Variants in ASB3 observed in about 807,000 individuals in gnomAD.
ASB3 encodes the protein ankyrin repeat and SOCS box containing 3.
Under a neutral mutation model 54.5 loss-of-function variants are expected in ASB3, and 41 were observed. That is an observed-to-expected ratio of 0.75 (90% CI 0.59 to 0.98). The LOEUF (loss-of-function observed/expected upper bound fraction) is 0.98. ASB3 is among the 50% of genes least tolerant of loss of function. The pLI, the probability that ASB3 is intolerant of heterozygous loss-of-function variation, is 0.00. For missense variants in ASB3, 733 were observed against 620.0 expected, an observed-to-expected ratio of 1.18 and a Z score of -1.94; for synonymous variants, 266 against 221.2, an observed-to-expected ratio of 1.20 and a Z score of -1.80.
At chr2:53,752,555 T>TC (rs1319203559) in intron 2 of ASB3, among the ~76,000 whole-genome samples, 1 of 152,244 alleles carries the variant, frequency 6.6e-6, no homozygotes, top group Admixed American at 6.5e-5. Context: ...TTGATTTATT[T>TC]CCCTTTCTGT....
chr2:53,724,119 A>C (rs1011477024), intron 5 of ASB3, among the ~76,000 whole-genome samples: 3 of 152,222 alleles, frequency 2.0e-5, no homozygotes, highest in African/African-American at 7.2e-5. Flanking sequence ...AGATTAATTA[A>C]GCTCTTTAGC....
intron 7 of ASB3, 133 bp from the exon 8 acceptor site, chr2:53,700,661 T>C: frequency 7.8e-7 from 1 of 1,275,768 alleles, no homozygotes; most frequent in East Asian, 2.6e-5. Flanking sequence ...TTTCTACACA[T>C]CTAGTGGATT....
intron 3 of ASB3, among the ~76,000 whole-genome samples, chr2:53,738,621 C>T (rs1671770788): frequency 6.6e-6 from 1 of 152,056 alleles, no homozygotes; most frequent in Non-Finnish European, 1.5e-5. Flanking sequence ...GAAATTTAAC[C>T]TAGAATACTA....
intron 7 of ASB3, among the ~76,000 whole-genome samples, chr2:53,714,004 T>C (rs1670251164): frequency 6.6e-6 from 1 of 152,304 alleles, no homozygotes; most frequent in Non-Finnish European, 1.5e-5. Flanking sequence ...TAGGCTTATA[T>C]CTTATAAATT....
At chr2:53,715,864 A>G (rs1303616807) in intron 6 of ASB3, among the ~76,000 whole-genome samples, 5 of 152,184 alleles carry the variant, frequency 3.3e-5, no homozygotes, top group African/African-American at 1.2e-4. Context: ...TACTTTTTAA[A>G]TTAAATAATA....
At chr2:53,713,481 T>C (rs936345235) in intron 7 of ASB3, among the ~76,000 whole-genome samples, 1 of 152,250 alleles carries the variant, frequency 6.6e-6, no homozygotes, top group African/African-American at 2.4e-5. Context: ...TGTAAGAGTG[T>C]TATAGACAAA....
At chr2:53,757,673 A>G (rs1210722021) in intron 2 of ASB3, among the ~76,000 whole-genome samples, 1 of 152,186 alleles carries the variant, frequency 6.6e-6, no homozygotes, top group East Asian at 1.9e-4. Flanking sequence ...CTGTGTCCTT[A>G]GGTACCTAGG....
At chr2:53,764,102 C>T (rs536109283) in intron 2 of ASB3, among the ~76,000 whole-genome samples, 4 of 152,252 alleles carry the variant, frequency 2.6e-5, no homozygotes, top group East Asian at 3.9e-4. Context: ...TTTCCTTTCC[C>T]GTCCAGCAGG....
At chr2:53,697,004 A>G (rs955514635) in intron 8 of ASB3, among the ~76,000 whole-genome samples, 6 of 152,224 alleles carry the variant, frequency 3.9e-5, no homozygotes, top group African/African-American at 1.4e-4. Flanking sequence ...TCTTAGTCAC[A>G]GGATGAGACA....
intron 2 of ASB3, among the ~76,000 whole-genome samples, chr2:53,751,618 G>T (rs1672515834): frequency 1.3e-5 from 2 of 152,016 alleles, no homozygotes; most frequent in South Asian, 4.1e-4. Flanking sequence ...TAGAAAGATG[G>T]GCTCTAAAGT....
chr2:53,780,232 T>G (rs1674567485), intron 1 of ASB3, among the ~76,000 whole-genome samples: 1 of 152,182 alleles, frequency 6.6e-6, no homozygotes, highest in Admixed American at 6.5e-5. Flanking sequence ...CTGGTCAATC[T>G]GGTATCAGTG....
chr2:53,712,428 A>C (rs1419426733), intron 7 of ASB3, among the ~76,000 whole-genome samples: 1 of 152,180 alleles, frequency 6.6e-6, no homozygotes, highest in Non-Finnish European at 1.5e-5. Context: ...ATTTTGTAGA[A>C]ATCAAAGGAG....
intron 8 of ASB3, among the ~76,000 whole-genome samples, chr2:53,695,987 T>C (rs182773644): frequency 9.2e-5 from 14 of 152,276 alleles, no homozygotes; most frequent in Non-Finnish European, 1.9e-4. Context: ...TAACAACATA[T>C]TGGAATTTTT....
chr2:53,774,755 A>C (rs1334067527), intron 1 of ASB3: 1 of 367,892 alleles, frequency 2.7e-6, no homozygotes, highest in Non-Finnish European at 4.8e-6. Flanking sequence ...ACTCACTAGA[A>C]GTGAGTTCTT....
chr2:53,757,867 C>T (rs1374426735), intron 2 of ASB3, among the ~76,000 whole-genome samples: 1 of 152,306 alleles, frequency 6.6e-6, no homozygotes, highest in South Asian at 2.1e-4. Context: ...CAGCTTATCC[C>T]TCTGCAATAC....
intron 2 of ASB3, among the ~76,000 whole-genome samples, chr2:53,760,885 A>G (rs10192626): frequency 0.54 from 81,967 of 151,978 alleles, 22,749 homozygotes; most frequent in African/African-American, 0.67. Context: ...TTCTTCAAAT[A>G]GAACCCCAGA....
At position 53,670,272 on chromosome 2, in the gene ASB3, T is replaced by TATATA. The variant is rs1447344651; in HGVS notation, c.*230_*231insTATAT. 2 of 401,480 alleles carry TATATA rather than the reference T, an allele frequency of 5.0e-6. No individual in the cohort carries two copies. The highest frequency in any genetic ancestry group is 8.7e-6 in the Non-Finnish European group (2 of 230,966). The allele number at this position is 401,480 out of a possible 1,614,324, so 24.9% of individuals were successfully genotyped here. A position where few individuals can be genotyped will look rare whatever the true frequency, so the allele number is the denominator to read the frequency against. On this transcript the variant is annotated 3_prime_UTR_variant, in exon 10 of 10. Coordinates refer to ENST00000263634, the MANE Select transcript of ASB3 (RefSeq NM_016115.5). ...TACTGGTGATGAAGCTGCAATAAAG[T>TATATA]AATATAAGTGATGTTTACAATTTTT...
chr2:53,747,994 C>G (rs1672318607), intron 3 of ASB3, among the ~76,000 whole-genome samples: 1 of 152,224 alleles, frequency 6.6e-6, no homozygotes, highest in Non-Finnish European at 1.5e-5. Context: ...ACCCAAAACA[C>G]AGACAACAGC....
At chr2:53,751,768 A>G (rs998794692) in intron 2 of ASB3, among the ~76,000 whole-genome samples, 22 of 152,212 alleles carry the variant, frequency 1.4e-4, no homozygotes, top group African/African-American at 5.3e-4. Flanking sequence ...TGTCATTGTA[A>G]CTCACTGATG....
Sources: allele counts gnomAD v4.1 joint callset (sites outside exome capture counted in the v4.1 genomes callset), GRCh38; gene constraint gnomAD v4.1.1; transcripts MANE v1.5; gene names NCBI Gene and HGNC (gene_info 2026-07-23, HGNC 2026-07-21).